Variants in CTNNBL1 observed in about 807,000 individuals in gnomAD.
The protein encoded by CTNNBL1 is beta-catenin-like protein 1.
In CTNNBL1, 31 loss-of-function variants were observed where a neutral mutation model predicts 72.7. That is an observed-to-expected ratio of 0.43 (90% confidence interval 0.32 to 0.58). The LOEUF (loss-of-function observed/expected upper bound fraction) is 0.58. Among genes scored for constraint, CTNNBL1 ranks in the 20% least tolerant of loss-of-function variants. The pLI, the probability that CTNNBL1 is intolerant of heterozygous loss-of-function variation, is 0.08. For synonymous variants in CTNNBL1, 240 were observed against 267.3 expected (o/e 0.90, Z 1.00); for missense variants, 534 against 725.1 (o/e 0.74, Z 3.03).
intron 1 of CTNNBL1, among the ~76,000 whole-genome samples, chr20:37,711,399 C>T (rs1395205016): frequency 6.6e-6 from 1 of 151,546 alleles, no homozygotes; most frequent in Non-Finnish European, 1.5e-5. Flanking sequence ...CCATATTGAA[C>T]CTGTCATTCT....
chr20:37,705,461 C>T (rs191960462), intron 1 of CTNNBL1, among the ~76,000 whole-genome samples: 2 of 151,496 alleles, frequency 1.3e-5, no homozygotes, highest in African/African-American at 4.8e-5. Context: ...AGCAACATGG[C>T]AAAAAAAAAT....
At chr20:37,751,066 C>T (rs371943645) in intron 4 of CTNNBL1, 1 of 151,996 alleles carries the variant, frequency 6.6e-6, no homozygotes, top group Non-Finnish European at 1.5e-5. Flanking sequence ...GCCATTCCTC[C>T]TACTCCGGAT....
intron 7 of CTNNBL1, among the ~76,000 whole-genome samples, chr20:37,777,002 A>C (rs533462179): frequency 6.6e-6 from 1 of 152,166 alleles, no homozygotes; most frequent in African/African-American, 2.4e-5. Context: ...GGTGAGTTTT[A>C]ATCTTAAAAG....
chr20:37,775,322 G>A (rs947114564), intron 7 of CTNNBL1, among the ~76,000 whole-genome samples: 5 of 152,202 alleles, frequency 3.3e-5, no homozygotes, highest in African/African-American at 7.2e-5. Context: ...ATTTCACATC[G>A]ATTTTCACAG....
intron 13 of CTNNBL1, among the ~76,000 whole-genome samples, chr20:37,842,995 A>G (rs2072317724): frequency 6.6e-6 from 1 of 152,110 alleles, no homozygotes; most frequent in African/African-American, 2.4e-5. Context: ...CACCTGCTGG[A>G]TGTTTTTTCT....
intron 1 of CTNNBL1, chr20:37,694,856 A>G (rs1247295581): frequency 6.6e-6 from 1 of 152,266 alleles, no homozygotes; most frequent in South Asian, 2.1e-4. Flanking sequence ...ACTCAGAAAC[A>G]AGGAGCTGGA....
At chr20:37,760,218 A>G (rs968058603) in intron 5 of CTNNBL1, among the ~76,000 whole-genome samples, 2 of 152,140 alleles carry the variant, frequency 1.3e-5, no homozygotes, top group East Asian at 3.9e-4. Context: ...TTTGATGGCA[A>G]TTCTCTGGCT....
intron 10 of CTNNBL1, among the ~76,000 whole-genome samples, chr20:37,796,666 G>T (rs902456552): frequency 1.3e-5 from 2 of 152,004 alleles, no homozygotes; most frequent in South Asian, 4.1e-4. Context: ...TCATAACATG[G>T]TTATTTGTTG....
chr20:37,762,580 G>T (rs1438099775), intron 5 of CTNNBL1, among the ~76,000 whole-genome samples: 1 of 152,110 alleles, frequency 6.6e-6, no homozygotes, highest in Admixed American at 6.5e-5. Flanking sequence ...GGGTTGCCCT[G>T]GCTGATGCTT....
intron 1 of CTNNBL1, among the ~76,000 whole-genome samples, chr20:37,714,625 A>G (rs2072970267): frequency 1.3e-5 from 2 of 152,230 alleles, no homozygotes; most frequent in African/African-American, 2.4e-5. Flanking sequence ...TGATTGATTC[A>G]TTTATTTGCC....
chr20:37,741,904 G>T (rs1225558072), intron 3 of CTNNBL1, among the ~76,000 whole-genome samples: 1 of 151,696 alleles, frequency 6.6e-6, no homozygotes, highest in Non-Finnish European at 1.5e-5. Flanking sequence ...AAAAGCACTG[G>T]GTTAAGACCA....
intron 15 of CTNNBL1, among the ~76,000 whole-genome samples, chr20:37,861,477 C>T (rs1408516333): frequency 6.6e-6 from 1 of 152,210 alleles, no homozygotes; most frequent in Non-Finnish European, 1.5e-5. Context: ...CAGGGAGTGT[C>T]CAGATGGACT....
chr20:37,755,632 CA>C (rs2073357243), intron 4 of CTNNBL1, among the ~76,000 whole-genome samples: 1 of 152,156 alleles, frequency 6.6e-6, no homozygotes, highest in South Asian at 2.1e-4. Flanking sequence ...ATTTTTCTTT[CA>C]GCAAAAGACC....
chr20:37,763,940 A>G (rs1245584370), intron 5 of CTNNBL1, among the ~76,000 whole-genome samples: 3 of 152,254 alleles, frequency 2.0e-5, no homozygotes, highest in Non-Finnish European at 4.4e-5. Flanking sequence ...TATCTGCCGT[A>G]TATGGCATTG....
At chr20:37,764,438 G>C (rs1274411244) in intron 5 of CTNNBL1, among the ~76,000 whole-genome samples, 2 of 152,144 alleles carry the variant, frequency 1.3e-5, no homozygotes, top group African/African-American at 4.8e-5. Flanking sequence ...TTCACCTAAG[G>C]AGAAGGAAGC....
chr20:37,803,644 A>G (rs759622976), intron 11 of CTNNBL1, among the ~76,000 whole-genome samples: 21 of 152,166 alleles, frequency 1.4e-4, no homozygotes, highest in Admixed American at 1.0e-3. Flanking sequence ...CCACAGTGCA[A>G]TCTGGAAGGC....
chr20:37,836,858 A>G (rs1410794395), intron 11 of CTNNBL1, among the ~76,000 whole-genome samples: 3 of 152,146 alleles, frequency 2.0e-5, no homozygotes, highest in Non-Finnish European at 4.4e-5. Flanking sequence ...ATTTGGCTCA[A>G]ATAATCGATG....
At chr20:37,869,897 G>A (rs1396236428) in intron 15 of CTNNBL1, among the ~76,000 whole-genome samples, 1 of 151,972 alleles carries the variant, frequency 6.6e-6, no homozygotes, top group Non-Finnish European at 1.5e-5. Context: ...TCAGAGGGCA[G>A]TGAAGGGTTG....
intron 11 of CTNNBL1, among the ~76,000 whole-genome samples, chr20:37,819,978 G>A (rs1021855554): frequency 2.7e-5 from 4 of 150,174 alleles, no homozygotes; most frequent in Admixed American, 2.0e-4. Flanking sequence ...GGGTTCAAGC[G>A]ATTCTCCTGC....
Sources: allele counts gnomAD v4.1 joint callset (sites outside exome capture counted in the v4.1 genomes callset), GRCh38; gene constraint gnomAD v4.1.1; transcripts MANE v1.5; gene names NCBI Gene and HGNC (gene_info 2026-07-23, HGNC 2026-07-21).